The following CNTNAP5 variants were observed in gnomAD, a reference collection of about 807,000 sequenced individuals.
The protein encoded by CNTNAP5 is contactin-associated protein-like 5.
Under a neutral mutation model 150.2 loss-of-function variants are expected in CNTNAP5, and 72 were observed. The ratio of observed to expected loss-of-function variants is 0.48; its 90% CI spans 0.40 to 0.58. CNTNAP5 has a LOEUF of 0.58. CNTNAP5 is among the 20% of genes least tolerant of loss of function. CNTNAP5 has a pLI of 0.00. For missense variants in CNTNAP5, 1,636 were observed against 1,626.2 expected (o/e 1.01, Z -0.10); for synonymous variants, 672 against 619.8 (o/e 1.08, Z -1.25).
At chr2:124,811,545 T>G (rs1682219009) in intron 19 of CNTNAP5, among the ~76,000 whole-genome samples, 2 of 152,190 alleles carry the variant, frequency 1.3e-5, no homozygotes, top group Non-Finnish European at 2.9e-5. Flanking sequence ...ATAAGATGAC[T>G]ATGTGGACAG....
At chr2:124,279,247 G>A (rs1293711564) in intron 3 of CNTNAP5, among the ~76,000 whole-genome samples, 2 of 145,620 alleles carry the variant, frequency 1.4e-5, no homozygotes, top group Admixed American at 1.4e-4. Flanking sequence ...GTGTGTGTGT[G>A]TCTGTGTGTG....
chr2:124,395,482 A>C (rs1447455618), intron 3 of CNTNAP5, among the ~76,000 whole-genome samples: 1 of 152,116 alleles, frequency 6.6e-6, no homozygotes, highest in Non-Finnish European at 1.5e-5. Flanking sequence ...TCTACATCCA[A>C]TAAATATTCT....
At position 124,474,864 on chromosome 2, in the gene CNTNAP5, G is replaced by A; in HGVS notation, c.1044G>A (p.Lys348=). 2.5e-6 allele frequency: 4 copies of A among 1,606,210 alleles called. No individual in the cohort carries two copies. The highest frequency in any genetic ancestry group is 1.1e-5 in the South Asian group (1 of 89,388). Reference sequence around the variant, plus strand: ...TAATTGACCTGGCTAAGAGACGAAAGCATCAGATCTATACTGTGGTAAGTC... The same window carrying A: ...TAATTGACCTGGCTAAGAGACGAAAACATCAGATCTATACTGTGGTAAGTC... ...VNIIDLAKRR[K]HQIYTVGNVT... is the part of the protein sequence containing the mutation. Residue 348 remains lysine (K), a synonymous_variant, in exon 7 of 24, where the codon AAG becomes AAA. Transcript: ENST00000682447.
chr2:124,221,667 A>G (rs1686319615), intron 1 of CNTNAP5, 38 bp from the exon 2 acceptor site: 1 of 1,262,576 alleles, frequency 7.9e-7, no homozygotes, highest in Non-Finnish European at 1.1e-6. Context: ...TTGCTAATAG[A>G]ATCTGGTCTC....
At chr2:124,868,137 C>T (rs1169121644) in intron 20 of CNTNAP5, among the ~76,000 whole-genome samples, 1 of 152,152 alleles carries the variant, frequency 6.6e-6, no homozygotes, top group Admixed American at 6.6e-5. Context: ...CTCCCTGCTC[C>T]TCTTTAGGTT....
At chr2:124,400,957 C>T (rs951207806) in intron 3 of CNTNAP5, among the ~76,000 whole-genome samples, 10 of 151,978 alleles carry the variant, frequency 6.6e-5, no homozygotes, top group East Asian at 5.8e-4. Context: ...CTGCAACCTC[C>T]GCCTCCCGGG....
intron 19 of CNTNAP5, among the ~76,000 whole-genome samples, chr2:124,808,274 C>A (rs1682122840): frequency 6.6e-6 from 1 of 152,028 alleles, no homozygotes; most frequent in African/African-American, 2.4e-5. Flanking sequence ...AATGAATGTG[C>A]AGATTTATTA....
intron 4 of CNTNAP5, among the ~76,000 whole-genome samples, chr2:124,419,972 C>CTCTCTTTT (rs1692053798): frequency 1.1e-5 from 1 of 87,840 alleles, no homozygotes; most frequent in African/African-American, 4.2e-5. Flanking sequence ...CTCTCTCTCT[C>CTCTCTTTT]TTTCTTTCTT....
At chr2:124,786,508 A>AAAGG in intron 17 of CNTNAP5, among the ~76,000 whole-genome samples, 1 of 67,858 alleles carries the variant, frequency 1.5e-5, no homozygotes, top group Non-Finnish European at 3.0e-5. Flanking sequence ...AGGGAAAGAA[A>AAAGG]AAGAAAGAAA....
intron 13 of CNTNAP5, among the ~76,000 whole-genome samples, chr2:124,675,286 T>C (rs1678915305): frequency 6.6e-6 from 1 of 152,152 alleles, no homozygotes; most frequent in Non-Finnish European, 1.5e-5. Flanking sequence ...CTCTCTTTTA[T>C]AGTTATGCTT....
chr2:124,034,102 C>T (rs1292102884), intron 1 of CNTNAP5, among the ~76,000 whole-genome samples: 2 of 151,984 alleles, frequency 1.3e-5, no homozygotes, highest in Non-Finnish European at 2.9e-5. Flanking sequence ...CAGTAGATGG[C>T]CAATGGGGAG....
chr2:124,592,677 T>C (rs183436625), intron 11 of CNTNAP5, among the ~76,000 whole-genome samples: 234 of 152,104 alleles, frequency 1.5e-3, no homozygotes, highest in African/African-American at 5.4e-3. Context: ...ATAACTAATA[T>C]TCTCATTTTC....
chr2:124,876,892 G>T (rs533635984), intron 21 of CNTNAP5, among the ~76,000 whole-genome samples: 82 of 152,152 alleles, frequency 5.4e-4, no homozygotes, highest in African/African-American at 1.9e-3. Context: ...TCCGCATCAT[G>T]AAATAAATGG....
At chr2:124,618,660 G>A (rs761151833) in intron 12 of CNTNAP5, among the ~76,000 whole-genome samples, 2 of 152,144 alleles carry the variant, frequency 1.3e-5, no homozygotes, top group African/African-American at 2.4e-5. Context: ...AATGCTTTTA[G>A]TCAGCCTTCC....
intron 11 of CNTNAP5, among the ~76,000 whole-genome samples, chr2:124,571,527 C>CTTTTTCTTTTTCTCTTTGTTTTTTTTT: frequency 4.3e-5 from 2 of 46,850 alleles, no homozygotes; most frequent in African/African-American, 2.1e-4. Context: ...TTTCTTTTTT[C>CTTTTTCTTTTTCTCTTTGTTTTTTTTT]TTTTTTTTTT....
At chr2:124,816,964 C>T (rs1388241423) in intron 19 of CNTNAP5, among the ~76,000 whole-genome samples, 2 of 152,168 alleles carry the variant, frequency 1.3e-5, no homozygotes, top group Non-Finnish European at 2.9e-5. Flanking sequence ...CTCAACTACA[C>T]TCAGAAGTTG....
chr2:124,789,755 A>C (rs1441983970), intron 17 of CNTNAP5, 147 bp from the exon 18 acceptor site: 22 of 696,618 alleles, frequency 3.2e-5, no homozygotes, highest in Middle Eastern at 3.8e-4. Flanking sequence ...TTGGAATTCC[A>C]ACTCTCACTG....
chr2:124,869,812 G>A, intron 21 of CNTNAP5, 50 bp downstream of exon 21: 1 of 1,126,502 alleles, frequency 8.9e-7, no homozygotes, highest in Non-Finnish European at 1.3e-6. Context: ...TAAAATAAAT[G>A]AATGCATAAT....
At chr2:124,729,900 C>T (rs547585306) in intron 13 of CNTNAP5, among the ~76,000 whole-genome samples, 1 of 152,134 alleles carries the variant, frequency 6.6e-6, no homozygotes, top group Admixed American at 6.5e-5. Flanking sequence ...AAGAGAGCAG[C>T]CAACAATGCA....
Sources: allele counts gnomAD v4.1 joint callset (sites outside exome capture counted in the v4.1 genomes callset), GRCh38; gene constraint gnomAD v4.1.1; transcripts MANE v1.5; gene names NCBI Gene and HGNC (gene_info 2026-07-23, HGNC 2026-07-21).